Variants in KANSL3 observed in about 807,000 individuals in gnomAD.
KANSL3 encodes KAT8 regulatory NSL complex subunit 3.
A neutral mutation model predicts 89.2 loss-of-function variants in KANSL3; 16 were observed. The ratio of observed to expected loss-of-function variants is 0.18; its 90% confidence interval spans 0.12 to 0.27. The LOEUF (loss-of-function observed/expected upper bound fraction) is 0.27. KANSL3 is among the 10% of genes least tolerant of loss of function. The pLI is 1.00. For synonymous variants in KANSL3, 385 were observed against 419.7 expected (o/e 0.92, Z 1.01); for missense variants, 879 against 1,110.6 (o/e 0.79, Z 2.96).
intron 15 of KANSL3, among the ~76,000 whole-genome samples, chr2:96,605,107 G>A (rs1022331815): frequency 6.6e-6 from 1 of 152,190 alleles, no homozygotes; most frequent in Non-Finnish European, 1.5e-5. Context: ...TGCTTTGAAC[G>A]ATGGCACAGC....
intron 11 of KANSL3, chr2:96,610,466 A>G: frequency 3.6e-6 from 1 of 274,716 alleles, no homozygotes; most frequent in Non-Finnish European, 7.1e-6. Flanking sequence ...CAGGCGCCCG[A>G]CACCAGGCCT....
chr2:96,581,744 A>AATGTTTC, the KANSL3 span, among the ~76,000 whole-genome samples: 1 of 152,190 alleles, frequency 6.6e-6, no homozygotes, highest in Non-Finnish European at 1.5e-5. Flanking sequence ...GAGTACTTCT[A>AATGTTTC]AATGTTTCTT....
intron 8 of KANSL3, 49 bp downstream of exon 8, chr2:96,612,413 C>T: frequency 6.2e-7 from 1 of 1,604,758 alleles, no homozygotes; most frequent in Non-Finnish European, 8.5e-7. Context: ...GCAGAACAAC[C>T]CCAGAATGCT....
intron 2 of KANSL3, among the ~76,000 whole-genome samples, chr2:96,633,653 C>T (rs1016244165): frequency 6.6e-6 from 1 of 151,302 alleles, no homozygotes; most frequent in African/African-American, 2.4e-5. Flanking sequence ...ATTGCCTGAG[C>T]TCAGGAGTTT....
chr2:96,601,204 G>T, intron 20 of KANSL3: 1 of 570,688 alleles, frequency 1.8e-6, no homozygotes, highest in Non-Finnish European at 2.2e-6. Context: ...GGAGGTGGAG[G>T]TTGCAGGGAG....
chr2:96,612,626 A>G, intron 7 of KANSL3, 63 bp from the exon 8 acceptor site: 2 of 1,430,596 alleles, frequency 1.4e-6, no homozygotes, highest in Non-Finnish European at 2.0e-6. Context: ...AATTCTGTTT[A>G]ACCTAACCTA....
intron 9 of KANSL3, among the ~76,000 whole-genome samples, chr2:96,611,392 G>A (rs1394998683): frequency 6.6e-6 from 1 of 152,218 alleles, no homozygotes; most frequent in East Asian, 1.9e-4. Flanking sequence ...CCATAGGATA[G>A]AAGGTTCAGT....
intron 5 of KANSL3, among the ~76,000 whole-genome samples, chr2:96,614,770 A>G (rs2069656158): frequency 4.0e-5 from 6 of 149,948 alleles, no homozygotes; most frequent in Admixed American, 2.0e-4. Flanking sequence ...GACTCTTCTC[A>G]AAAAAAAGAA....
chr2:96,620,316 ATC>A (rs751309185), intron 3 of KANSL3, among the ~76,000 whole-genome samples: 11 of 151,930 alleles, frequency 7.2e-5, no homozygotes, highest in Non-Finnish European at 1.6e-4. Context: ...CCCCACACTA[ATC>A]TCTCTTTTCC....
chr2:96,633,896 G>A (rs536799997), intron 2 of KANSL3, among the ~76,000 whole-genome samples: 5 of 152,220 alleles, frequency 3.3e-5, no homozygotes, highest in African/African-American at 7.2e-5. Flanking sequence ...ATTCAGTTCC[G>A]TAGTGACGTT....
At chr2:96,604,955 C>T (rs534767889) in intron 15 of KANSL3, 92 bp from the exon 16 acceptor site, 34 of 1,005,698 alleles carry the variant, frequency 3.4e-5, no homozygotes, top group East Asian at 2.4e-4. Flanking sequence ...CAAGATATTA[C>T]GGACGAAAAC....
At chr2:96,621,000 C>G (rs2071165762) in intron 3 of KANSL3, among the ~76,000 whole-genome samples, 1 of 150,816 alleles carries the variant, frequency 6.6e-6, no homozygotes, top group Non-Finnish European at 1.5e-5. Context: ...GGCCTTGTCT[C>G]AAAAAAAATA....
chr2:96,636,942 CG>C lies in KANSL3; in HGVS notation c.193del (p.Arg65GlyfsTer14). The C allele has an allele frequency of 6.5e-7, 1 of 1,539,522 alleles. No homozygotes were observed. Among genetic ancestry groups the C allele is most frequent in the Non-Finnish European group, 8.8e-7 (1 of 1,139,928 alleles). On this transcript the variant is annotated frameshift_variant, in exon 2 of 21. Transcript: ENST00000431828. LOFTEE classifies it high-confidence loss of function. The stretch of plus-strand genomic sequence containing the variant: ...TCACATGGTACTTTCGTGCTGCCGC[CG>C]GGGAGTGACAAAGAGCATGCGGGTG... ...RPTRMLFVTP[R>X]RQHESTIESD...
At chr2:96,616,418 T>G (rs2070125015) in intron 5 of KANSL3, among the ~76,000 whole-genome samples, 1 of 152,216 alleles carries the variant, frequency 6.6e-6, no homozygotes, top group Non-Finnish European at 1.5e-5. Flanking sequence ...CCCTGGCCCT[T>G]CCAGCATTGC....
At position 96,631,450 on chromosome 2, in the gene KANSL3, A is replaced by G; in HGVS notation, c.248T>C (p.Val83Ala). The change falls in exon 3 of 21, where the codon GTC (valine) becomes GCC (alanine). Residue 83 changes from valine to alanine, a missense_variant. By Grantham distance (64) the Val-to-Ala change is moderately conservative. This residue lies in a region of KANSL3 where 210 missense variants were observed against 311.9 expected (regional missense o/e 0.67). Coordinates refer to ENST00000431828, the MANE Select transcript of KANSL3 (RefSeq NM_001115016.3). The stretch of plus-strand genomic sequence containing the variant: ...ATAGAGTGGCATAGGCGTTGATGTG[A>G]CCGTCTCCACATCTATTGGGACGTC... ...ESDVPIDVET[V>A]TSTPMPLYDN... The G allele has an allele frequency of 6.3e-7, 1 of 1,583,506 alleles. No individual in the cohort carries two copies. The highest frequency in any genetic ancestry group is 8.6e-7 in the Non-Finnish European group (1 of 1,163,992).
At chr2:96,627,220 CT>C (rs34224817) in intron 3 of KANSL3, among the ~76,000 whole-genome samples, 264 of 145,314 alleles carry the variant, frequency 1.8e-3, no homozygotes, top group African/African-American at 2.7e-3. Context: ...GAACATGCTT[CT>C]TTTTTTTTTT....
chr2:96,587,913 C>A, the KANSL3 span, among the ~76,000 whole-genome samples: 1 of 151,926 alleles, frequency 6.6e-6, no homozygotes, highest in Non-Finnish European at 1.5e-5. Flanking sequence ...AGAAGGGACA[C>A]AAGAAAGAAT....
At chr2:96,612,667 A>G in intron 7 of KANSL3, 104 bp from the exon 8 acceptor site, 1 of 1,182,498 alleles carries the variant, frequency 8.5e-7, no homozygotes, top group African/African-American at 1.5e-5. Context: ...CACATGAAAG[A>G]AGGATTAGAG....
the KANSL3 span, among the ~76,000 whole-genome samples, chr2:96,582,260 T>C: frequency 1.3e-5 from 2 of 152,006 alleles, no homozygotes; most frequent in African/African-American, 4.8e-5. Flanking sequence ...TAGCCGGGCA[T>C]GGTGGCACAC....
Sources: gnomAD v4.1 joint callset for allele counts (sites outside exome capture counted in the v4.1 genomes callset) on GRCh38, gnomAD v4.1.1 for gene constraint, gnomAD v4.1.1 regional missense constraint, MANE v1.5 for transcripts, NCBI Gene and HGNC (gene_info 2026-07-23, HGNC 2026-07-21) for gene names.